The following SGMS1 variants were observed in gnomAD, a reference collection of about 807,000 sequenced individuals.
SGMS1 encodes the protein sphingomyelin synthase 1, also known as phosphatidylcholine:ceramide cholinephosphotransferase 1.
A neutral mutation model predicts 46.2 loss-of-function variants in SGMS1; 13 were observed. The ratio of observed to expected loss-of-function variants is 0.28; its 90% CI spans 0.18 to 0.45. SGMS1 has a LOEUF of 0.45. SGMS1 is among the 20% of genes least tolerant of loss of function. The pLI, the probability that SGMS1 is intolerant of heterozygous loss-of-function variation, is 1.00. For missense variants in SGMS1, 324 were observed against 519.9 expected (o/e 0.62, Z 3.66); for synonymous variants, 203 against 187.8 (o/e 1.08, Z -0.66).
At chr10:50,511,654 A>G (rs1837756516) in intron 3 of SGMS1, among the ~76,000 whole-genome samples, 1 of 152,198 alleles carries the variant, frequency 6.6e-6, no homozygotes, top group South Asian at 2.1e-4. Flanking sequence ...CACCTGCCAC[A>G]GTGAGCCAAA....
intron 5 of SGMS1, among the ~76,000 whole-genome samples, chr10:50,434,103 T>A (rs903448548): frequency 9.2e-5 from 14 of 152,240 alleles, no homozygotes; most frequent in African/African-American, 3.4e-4. Flanking sequence ...ACATGTCCAG[T>A]TCAACAACTA....
intron 4 of SGMS1, among the ~76,000 whole-genome samples, chr10:50,465,358 G>C (rs2133692907): frequency 6.6e-6 from 1 of 151,900 alleles, no homozygotes; most frequent in East Asian, 1.9e-4. Flanking sequence ...AAAACAAGAA[G>C]ATAAAGGGAA....
chr10:50,583,061 T>C (rs1838449806), intron 2 of SGMS1, among the ~76,000 whole-genome samples: 1 of 152,126 alleles, frequency 6.6e-6, no homozygotes, highest in Non-Finnish European at 1.5e-5. Flanking sequence ...CCTGCAAATG[T>C]CCATTAATTC....
chr10:50,430,136 G>A (rs1432978979), intron 6 of SGMS1, among the ~76,000 whole-genome samples: 1 of 152,004 alleles, frequency 6.6e-6, no homozygotes, highest in Non-Finnish European at 1.5e-5. Flanking sequence ...TGTCCCCTAA[G>A]CACTCCTCCC....
chr10:50,519,551 C>G (rs1234738544), intron 3 of SGMS1, among the ~76,000 whole-genome samples: 2 of 152,222 alleles, frequency 1.3e-5, no homozygotes, highest in East Asian at 3.8e-4. Context: ...GGCTGACACT[C>G]TTTCCTGTGG....
At chr10:50,509,835 T>A (rs1315072809) in intron 3 of SGMS1, among the ~76,000 whole-genome samples, 2 of 152,224 alleles carry the variant, frequency 1.3e-5, no homozygotes, top group African/African-American at 4.8e-5. Context: ...CCTTTGATGG[T>A]ATTTAAGCCA....
intron 1 of SGMS1, among the ~76,000 whole-genome samples, chr10:50,602,950 G>A (rs1360619659): frequency 6.6e-6 from 1 of 152,112 alleles, no homozygotes; most frequent in Non-Finnish European, 1.5e-5. Context: ...AAACAATCAG[G>A]AGAAAAGGTG....
chr10:50,367,371 A>G (rs1485616509), intron 6 of SGMS1, among the ~76,000 whole-genome samples: 2 of 152,252 alleles, frequency 1.3e-5, no homozygotes, highest in Non-Finnish European at 2.9e-5. Flanking sequence ...TTATTTAGAT[A>G]GCTACAAAAG....
At chr10:50,539,647 C>T (rs1277619349) in intron 2 of SGMS1, among the ~76,000 whole-genome samples, 1 of 152,142 alleles carries the variant, frequency 6.6e-6, no homozygotes, top group Non-Finnish European at 1.5e-5. Flanking sequence ...TGCAAATTAA[C>T]CATCCCCACA....
At chr10:50,407,599 G>A (rs1361741576) in intron 6 of SGMS1, among the ~76,000 whole-genome samples, 7 of 151,920 alleles carry the variant, frequency 4.6e-5, no homozygotes, top group Non-Finnish European at 1.0e-4. Context: ...ATCACCTGTG[G>A]AAGTAACTTT....
upstream of SGMS1, chr10:50,624,652 T>A (rs1220977037): frequency 2.0e-6 from 2 of 985,420 alleles, no homozygotes; most frequent in Non-Finnish European, 2.4e-6. Context: ...GGAGAGCGGC[T>A]AGGCCGGGGT....
chr10:50,527,373 T>A (rs1409911254), intron 2 of SGMS1, among the ~76,000 whole-genome samples: 1 of 152,192 alleles, frequency 6.6e-6, no homozygotes, highest in East Asian at 1.9e-4. Flanking sequence ...TGTAAACATA[T>A]ATATTTACTC....
intron 3 of SGMS1, among the ~76,000 whole-genome samples, chr10:50,500,150 A>G (rs1294049273): frequency 3.9e-5 from 6 of 152,214 alleles, no homozygotes; most frequent in Non-Finnish European, 8.8e-5. Flanking sequence ...CCTGGGTGAC[A>G]GAGCGGGACT....
intron 3 of SGMS1, among the ~76,000 whole-genome samples, chr10:50,470,130 C>A (rs1160940937): frequency 6.6e-6 from 1 of 152,046 alleles, no homozygotes; most frequent in Non-Finnish European, 1.5e-5. Context: ...CTGTCCCACA[C>A]CCTATTATTA....
chr10:50,404,516 T>C (rs955021618), intron 6 of SGMS1, among the ~76,000 whole-genome samples: 3 of 152,046 alleles, frequency 2.0e-5, no homozygotes, highest in Non-Finnish European at 4.4e-5. Context: ...GGAGCGAGCA[T>C]TGCTTGAGCC....
chr10:50,624,204 A>G (rs1233888864), upstream of SGMS1: 2 of 792,972 alleles, frequency 2.5e-6, no homozygotes, highest in East Asian at 1.3e-4. Context: ...GGGCCCACTA[A>G]GTAAGGCCTA....
intron 3 of SGMS1, among the ~76,000 whole-genome samples, chr10:50,475,417 C>T (rs1280008861): frequency 6.6e-6 from 1 of 152,124 alleles, no homozygotes; most frequent in Non-Finnish European, 1.5e-5. Flanking sequence ...ATGCAATATG[C>T]TTTTAACTTT....
At chr10:50,451,609 C>A (rs1157043461) in intron 5 of SGMS1, among the ~76,000 whole-genome samples, 1 of 152,120 alleles carries the variant, frequency 6.6e-6, no homozygotes, top group East Asian at 1.9e-4. Flanking sequence ...TGCATTATAT[C>A]AGCAACACGA....
At position 50,311,427 on chromosome 10, in the gene SGMS1, AAAG is replaced by A. The variant is rs765312757; in HGVS notation, c.742-15_742-13del. 58 of 1,611,566 alleles carry A rather than the reference AAAG, an allele frequency of 3.6e-5. No individual in the cohort carries two copies. The South Asian group carries it at 5.7e-4, about 16-fold the overall frequency. Reference sequence around the variant, plus strand: ...CAGTCTCCGAAAAGCTGGCAGAAAAAAAGAAAAGAAGAAAAAGAAGATTCATTA... The same window carrying A: ...CAGTCTCCGAAAAGCTGGCAGAAAAAAAAAGAAGAAAAAGAAGATTCATTA... On this transcript the variant is annotated splice_polypyrimidine_tract_variant and intron_variant, in intron 8 of 10. Coordinates refer to ENST00000361781, the MANE Select transcript of SGMS1 (RefSeq NM_147156.4).
Sources: allele counts gnomAD v4.1 joint callset (sites outside exome capture counted in the v4.1 genomes callset), GRCh38; gene constraint gnomAD v4.1.1; transcripts MANE v1.5; gene names NCBI Gene and HGNC (gene_info 2026-07-23, HGNC 2026-07-21).